CNTNAP2: variants seen among roughly 807,000 people sequenced by gnomAD.
The protein encoded by CNTNAP2 is contactin associated protein 2.
Under a neutral mutation model 155.2 loss-of-function variants are expected in CNTNAP2, and 98 were observed. That is an observed-to-expected ratio of 0.63 (90% CI 0.54 to 0.75). The LOEUF (loss-of-function observed/expected upper bound fraction) is 0.75. Ranked by LOEUF, CNTNAP2 falls within the 30% of genes least tolerant of loss-of-function variation. CNTNAP2 has a pLI of 0.00. For synonymous variants in CNTNAP2, 651 were observed against 631.2 expected (o/e 1.03, Z -0.47); for missense variants, 1,727 against 1,688.1 (o/e 1.02, Z -0.40).
intron 13 of CNTNAP2, among the ~76,000 whole-genome samples, chr7:147,722,617 A>G (rs1796581422): frequency 1.3e-5 from 2 of 152,068 alleles, no homozygotes; most frequent in South Asian, 2.1e-4. Flanking sequence ...TGAAGTTTAT[A>G]TGGCACTGTT....
chr7:147,622,943 A>C (rs190312701), intron 12 of CNTNAP2, among the ~76,000 whole-genome samples: 80 of 152,250 alleles, frequency 5.3e-4, no homozygotes, highest in African/African-American at 1.8e-3. Flanking sequence ...ATTACAACTG[A>C]TACCACAGAA....
chr7:146,330,610 A>G (rs80185539), intron 1 of CNTNAP2, among the ~76,000 whole-genome samples: 4,957 of 152,282 alleles, frequency 0.033, 257 homozygotes, highest in African/African-American at 0.11. Context: ...TCATACTTCA[A>G]TGAAGGGAGA....
intron 4 of CNTNAP2, among the ~76,000 whole-genome samples, chr7:147,094,399 CTTTTT>C (rs55694542): frequency 1.1e-4 from 14 of 132,954 alleles, no homozygotes; most frequent in African/African-American, 3.7e-4. Context: ...ATTATTATTC[CTTTTT>C]TTTTTTTTTT....
chr7:147,958,428 T>C (rs1801059462), intron 14 of CNTNAP2, among the ~76,000 whole-genome samples: 1 of 152,212 alleles, frequency 6.6e-6, no homozygotes, highest in Non-Finnish European at 1.5e-5. Flanking sequence ...GAGATTTGGG[T>C]AATCTCACTT....
intron 4 of CNTNAP2, among the ~76,000 whole-genome samples, chr7:147,059,080 T>A (rs1178089079): frequency 6.6e-6 from 1 of 152,240 alleles, no homozygotes; most frequent in African/African-American, 2.4e-5. Flanking sequence ...CCACACACCC[T>A]ATTCCTCCCT....
At position 147,339,337 on chromosome 7, in the gene CNTNAP2, G is replaced by C. The variant is rs550475546; in HGVS notation, c.1498+39047G>C. The stretch of plus-strand genomic sequence containing the variant: ...GGGGGTGTGTGGATTCTGTTTTGCA[G>C]GAATGGATTAGTTCCCATAACAGTA... On this transcript the variant is annotated intron_variant, in intron 9 of 23. Transcript: ENST00000361727. Among the ~76,000 whole-genome samples the C allele has an allele frequency of 1.7e-3, 253 of 152,136 alleles. 1 individual carries two copies. The highest frequency in any genetic ancestry group is 5.9e-3 in the African/African-American group (244 of 41,520).
intron 4 of CNTNAP2, among the ~76,000 whole-genome samples, chr7:147,047,011 G>C (rs1333308227): frequency 7.6e-6 from 1 of 131,888 alleles, no homozygotes; most frequent in Non-Finnish European, 1.6e-5. Flanking sequence ...CAACCTGGGC[G>C]ACAGAGCCAG....
intron 11 of CNTNAP2, among the ~76,000 whole-genome samples, chr7:147,512,720 A>G (rs2116692369): frequency 6.6e-6 from 1 of 152,330 alleles, no homozygotes; most frequent in Admixed American, 6.5e-5. Flanking sequence ...TAAAACTCAA[A>G]TATGCGTGGC....
chr7:148,340,469 T>C (rs968472802), intron 21 of CNTNAP2, among the ~76,000 whole-genome samples: 4 of 152,222 alleles, frequency 2.6e-5, no homozygotes, highest in Non-Finnish European at 5.9e-5. Context: ...AGCATAGTGT[T>C]TGGTTATCCA....
At chr7:147,629,803 A>G (rs10244239) in intron 12 of CNTNAP2, among the ~76,000 whole-genome samples, 13,648 of 152,110 alleles carry the variant, frequency 0.09, 1,704 homozygotes, top group African/African-American at 0.26. Context: ...ACTTATCAAA[A>G]CCTCTGGCAT....
intron 1 of CNTNAP2, among the ~76,000 whole-genome samples, chr7:146,549,533 G>C (rs1406951093): frequency 6.6e-6 from 1 of 152,048 alleles, no homozygotes; most frequent in African/African-American, 2.4e-5. Flanking sequence ...TTGAACCCCT[G>C]ATGGTGCCTG....
At chr7:146,643,318 T>C (rs1799746770) in intron 1 of CNTNAP2, among the ~76,000 whole-genome samples, 1 of 152,064 alleles carries the variant, frequency 6.6e-6, no homozygotes, top group African/African-American at 2.4e-5. Flanking sequence ...CTTGAATCCA[T>C]CTTGAATTAA....
At chr7:146,860,857 T>C (rs890654125) in intron 3 of CNTNAP2, among the ~76,000 whole-genome samples, 22 of 152,054 alleles carry the variant, frequency 1.4e-4, no homozygotes, top group Non-Finnish European at 2.2e-4. Flanking sequence ...AATAACCTCC[T>C]TTGGATTAAG....
At chr7:146,165,333 A>G (rs1798296880) in intron 1 of CNTNAP2, among the ~76,000 whole-genome samples, 2 of 152,186 alleles carry the variant, frequency 1.3e-5, no homozygotes, top group African/African-American at 4.8e-5. Flanking sequence ...TGTATTATGA[A>G]TCAGCAATAT....
At chr7:147,825,368 T>C (rs1481159113) in intron 13 of CNTNAP2, among the ~76,000 whole-genome samples, 1 of 152,206 alleles carries the variant, frequency 6.6e-6, no homozygotes, top group East Asian at 1.9e-4. Flanking sequence ...TACTCAGAGT[T>C]GATGTGTTTT....
Position 147,610,261 on chromosome 7 carries a change from T to C in CNTNAP2, c.1898-28845T>C, listed in dbSNP as rs191906254. On this transcript the variant is annotated intron_variant, in intron 12 of 23. Coordinates refer to ENST00000361727, the MANE Select transcript of CNTNAP2 (RefSeq NM_014141.6). The stretch of plus-strand genomic sequence containing the variant: ...CCGTCAACTTTTTCCACTTAAATAT[T>C]CTGAGTAAAGTTTAAGGGTGTTGTA... 1.1e-3 allele frequency among the ~76,000 whole-genome samples: 162 copies of C among 152,044 alleles called. 2 individuals carry two copies. The highest frequency in any genetic ancestry group is 3.8e-3 in the African/African-American group (157 of 41,480).
rs546334446 is a variant in CNTNAP2, at chr7:146,510,397, A to G, written c.98-263874A>G. Among the ~76,000 whole-genome samples, 31 of 152,294 alleles carry G rather than the reference A, an allele frequency of 2.0e-4. No individual in the cohort carries two copies. The South Asian group carries it at 6.4e-3, about 32-fold the overall frequency. On this transcript the variant is annotated intron_variant, in intron 1 of 23. Transcript: ENST00000361727. The stretch of plus-strand genomic sequence containing the variant: ...ATTACAATTACTAGGGCTTTGTAGT[A>G]TACTTTGAGGTCAGGTAGTGTGATG...
At chr7:147,107,549 T>G (rs1386263772) in intron 4 of CNTNAP2, among the ~76,000 whole-genome samples, 1 of 152,074 alleles carries the variant, frequency 6.6e-6, no homozygotes, top group Non-Finnish European at 1.5e-5. Context: ...ATAAGAAATT[T>G]GAGACACACT....
At chr7:147,611,476 G>C (rs1801183651) in intron 12 of CNTNAP2, among the ~76,000 whole-genome samples, 1 of 152,084 alleles carries the variant, frequency 6.6e-6, no homozygotes, top group Non-Finnish European at 1.5e-5. Context: ...CTCTACAATG[G>C]AATAAAAACA....
Sources: gnomAD v4.1 joint callset for allele counts (sites outside exome capture counted in the v4.1 genomes callset) on GRCh38, gnomAD v4.1.1 for gene constraint, MANE v1.5 for transcripts, NCBI Gene and HGNC (gene_info 2026-07-23, HGNC 2026-07-21) for gene names.